Variants in FOCAD observed in about 807,000 individuals in gnomAD.
FOCAD encodes focadhesin, also known as KIAA1797.
Under a neutral mutation model 225.6 loss-of-function variants are expected in FOCAD, and 198 were observed. The ratio of observed to expected loss-of-function variants is 0.88; its 90% CI spans 0.78 to 0.99. The LOEUF (loss-of-function observed/expected upper bound fraction) is 0.99. FOCAD is among the 50% of genes least tolerant of loss of function. FOCAD has a pLI of 0.00. For missense variants in FOCAD, 2,713 were observed against 2,123.6 expected, an observed-to-expected ratio of 1.28 and a Z score of -5.46; for synonymous variants, 897 against 755.0, an observed-to-expected ratio of 1.19 and a Z score of -3.08.
intron 11 of FOCAD, among the ~76,000 whole-genome samples, chr9:20,805,880 T>C (rs1383681552): frequency 6.6e-6 from 1 of 152,224 alleles, no homozygotes; most frequent in Non-Finnish European, 1.5e-5. Context: ...GTCAGGTTGC[T>C]AATGAGAGGC....
intron 12 of FOCAD, 51 bp from the exon 13 acceptor site, chr9:20,820,273 G>C (rs1564029844): frequency 6.5e-6 from 9 of 1,374,844 alleles, no homozygotes; most frequent in Admixed American, 3.9e-5. Flanking sequence ...GTAACCTCGA[G>C]GTTGTCTGCA....
chr9:20,844,851 G>T (rs1335177104), intron 15 of FOCAD, among the ~76,000 whole-genome samples: 1 of 152,150 alleles, frequency 6.6e-6, no homozygotes, highest in Admixed American at 6.5e-5. Context: ...TTTATTGAGT[G>T]ATTTTTGTTT....
intron 19 of FOCAD, among the ~76,000 whole-genome samples, chr9:20,878,069 A>G (rs183251280): frequency 1.1e-4 from 17 of 152,332 alleles, no homozygotes; most frequent in African/African-American, 3.4e-4. Context: ...TACATACACA[A>G]TACTTACACA....
chr9:20,685,877 A>G (rs1305147760), intron 1 of FOCAD, among the ~76,000 whole-genome samples: 1 of 152,228 alleles, frequency 6.6e-6, no homozygotes. Context: ...GAGGCGGAAC[A>G]CAGCCTCGCG....
At chr9:20,909,298 G>C (rs1462235789) in intron 22 of FOCAD, among the ~76,000 whole-genome samples, 8 of 151,908 alleles carry the variant, frequency 5.3e-5, no homozygotes, top group African/African-American at 1.9e-4. Flanking sequence ...GGGAAAGCAG[G>C]GTTAGCTAGG....
chr9:20,739,131 C>T (rs893749686), intron 4 of FOCAD, among the ~76,000 whole-genome samples: 1 of 152,086 alleles, frequency 6.6e-6, no homozygotes, highest in Middle Eastern at 3.2e-3. Flanking sequence ...TCAGTAACAT[C>T]TCACATAAAT....
chr9:20,729,747 T>C (rs562551302), intron 4 of FOCAD, among the ~76,000 whole-genome samples: 1 of 152,294 alleles, frequency 6.6e-6, no homozygotes, highest in South Asian at 2.1e-4. Flanking sequence ...GAAATAGGTA[T>C]TTCTCAGCCT....
chr9:20,940,916 G>A (rs576957372), intron 28 of FOCAD, among the ~76,000 whole-genome samples: 5 of 151,950 alleles, frequency 3.3e-5, no homozygotes, highest in African/African-American at 1.2e-4. Context: ...ACAGTATACT[G>A]TGTATTTATT....
chr9:20,665,258 G>A (rs1821864746), intron 2 of FOCAD, among the ~76,000 whole-genome samples: 1 of 152,130 alleles, frequency 6.6e-6, no homozygotes, highest in African/African-American at 2.4e-5. Context: ...TCTTATAGAA[G>A]AGTATGATAG....
chr9:20,753,133 T>C (rs1230836695), intron 5 of FOCAD, among the ~76,000 whole-genome samples: 1 of 152,200 alleles, frequency 6.6e-6, no homozygotes, highest in Admixed American at 6.5e-5. Context: ...CCTCTTTTCC[T>C]AACTGAATAC....
chr9:20,866,054 G>A (rs1829200550), intron 17 of FOCAD, 78 bp downstream of exon 17: 1 of 1,210,126 alleles, frequency 8.3e-7, no homozygotes, highest in East Asian at 2.5e-5. Context: ...AAGACTCTTA[G>A]GATAAAAAGT....
rs146093880 is a variant in FOCAD at position 20,934,858 on chromosome 9, C to CTT, written c.3407+1762_3407+1763dup. ...GAGAATCAAATCAAGAACCCCACCC[C>CTT]TTTTTTTTACAATAGCTGCAAAAAA... On this transcript the variant is annotated intron_variant, in intron 28 of 43. Coordinates refer to ENST00000338382, the MANE Select transcript of FOCAD (RefSeq NM_001375567.1). Among the ~76,000 whole-genome samples the CTT allele has an allele frequency of 1.5e-4, 23 of 151,468 alleles. 1 individual carries two copies. Among genetic ancestry groups the CTT allele is most frequent in the Middle Eastern group, 3.4e-3 (1 of 294 alleles).
At chr9:20,874,941 C>A in intron 19 of FOCAD, 134 bp downstream of exon 19, 1 of 1,132,788 alleles carries the variant, frequency 8.8e-7, no homozygotes, top group Non-Finnish European at 1.3e-6. Flanking sequence ...TTAAATGCAC[C>A]CATCTGTTCT....
intron 21 of FOCAD, 123 bp from the exon 22 acceptor site, chr9:20,907,027 T>G: frequency 1.5e-6 from 1 of 683,940 alleles, no homozygotes; most frequent in Non-Finnish European, 2.5e-6. Flanking sequence ...GATCCTAGAC[T>G]GATTTGGTTT....
intron 20 of FOCAD, among the ~76,000 whole-genome samples, chr9:20,883,481 C>A (rs567817299): frequency 6.6e-6 from 1 of 152,234 alleles, no homozygotes; most frequent in African/African-American, 2.4e-5. Flanking sequence ...GGAAAATTTA[C>A]CAAAATGACC....
intron 2 of FOCAD, among the ~76,000 whole-genome samples, chr9:20,670,720 G>A (rs7873117): frequency 5.9e-5 from 9 of 152,068 alleles, no homozygotes; most frequent in Admixed American, 5.2e-4. Flanking sequence ...CATATCATCT[G>A]TATTTTATAA....
chr9:20,914,876 A>G (rs1442829186), intron 23 of FOCAD, among the ~76,000 whole-genome samples: 1 of 152,130 alleles, frequency 6.6e-6, no homozygotes, highest in Non-Finnish European at 1.5e-5. Context: ...AAGAGATAAT[A>G]GTGTTTTAGA....
At chr9:20,716,169 C>T (rs1194802882) in intron 2 of FOCAD, 1 of 472,906 alleles carries the variant, frequency 2.1e-6, no homozygotes, top group South Asian at 1.6e-5. Flanking sequence ...GCAAGATTCC[C>T]TTCTACCTGG....
At chr9:20,800,500 T>C (rs1821677574) in intron 11 of FOCAD, among the ~76,000 whole-genome samples, 1 of 152,170 alleles carries the variant, frequency 6.6e-6, no homozygotes, top group Non-Finnish European at 1.5e-5. Flanking sequence ...AGATGTAAAT[T>C]TGGTCTTTTC....
Sources: gnomAD v4.1 joint callset for allele counts (sites outside exome capture counted in the v4.1 genomes callset) on GRCh38, gnomAD v4.1.1 for gene constraint, MANE v1.5 for transcripts, NCBI Gene and HGNC (gene_info 2026-07-23, HGNC 2026-07-21) for gene names.